JADE2: variants seen among roughly 807,000 people sequenced by gnomAD.
JADE2 encodes the protein E3 ubiquitin-protein ligase Jade-2.
JADE2 carries 13 observed loss-of-function variants against 85.7 expected under a neutral mutation model. The observed-to-expected ratio is 0.15, with a 90% CI of 0.10 to 0.24. The LOEUF is 0.24. Ranked by LOEUF, JADE2 falls within the 10% of genes least tolerant of loss-of-function variation. The probability of loss-of-function intolerance (pLI) is 1.00; values close to 1 mark genes in which losing one functional copy is unlikely to be tolerated. For missense variants in JADE2, 846 were observed against 1,115.9 expected (o/e 0.76, Z 3.45); for synonymous variants, 440 against 456.1 (o/e 0.96, Z 0.45).
At chr5:134,553,603 C>T (rs1203293832) in intron 4 of JADE2, among the ~76,000 whole-genome samples, 4 of 152,172 alleles carry the variant, frequency 2.6e-5, no homozygotes, top group Non-Finnish European at 1.5e-5. Flanking sequence ...CCGCCCTCCT[C>T]GGCCTCCCAA....
chr5:134,565,187 TAGTTTGGG>T (rs1285976928), intron 8 of JADE2, among the ~76,000 whole-genome samples: 1 of 152,208 alleles, frequency 6.6e-6, no homozygotes, highest in Non-Finnish European at 1.5e-5. Context: ...CTCAGGTCTA[TAGTTTGGG>T]AGTGCAGGGG....
chr5:134,564,679 A>C (rs1763530233), intron 8 of JADE2, 69 bp downstream of exon 8: 1 of 982,026 alleles, frequency 1.0e-6, no homozygotes. Context: ...CTCAGACAGC[A>C]GCTGCCACCA....
intron 9 of JADE2, among the ~76,000 whole-genome samples, chr5:134,570,965 C>T (rs1168566456): frequency 1.3e-5 from 2 of 152,256 alleles, no homozygotes; most frequent in Non-Finnish European, 2.9e-5. Context: ...TAGGCCTGCC[C>T]GTGTGCCACC....
At position 134,566,085 on chromosome 5, in the gene JADE2, A is replaced by C. The variant is rs775966958; in HGVS notation, c.970-31A>C. 2 of 1,581,960 alleles carry C rather than the reference A, an allele frequency of 1.3e-6. No individual in the cohort carries two copies. The highest frequency in any genetic ancestry group is 1.7e-6 in the Non-Finnish European group (2 of 1,157,410). ...TCTCCCCTCCCACCAGGCTCCCTCC[A>C]TGTCTGATCCTGCCCCTCCTTTCCC... On this transcript the variant is annotated intron_variant, in intron 8 of 11. Coordinates refer to ENST00000681547, the MANE Select transcript of JADE2 (RefSeq NM_001388185.1). The surrounding 1 kb of genome is among the most constrained non-coding windows in gnomAD (Gnocchi z 6.7).
chr5:134,538,177 G>T, intron 3 of JADE2, 94 bp downstream of exon 3: 3 of 997,024 alleles, frequency 3.0e-6, no homozygotes, highest in Non-Finnish European at 4.7e-6. Flanking sequence ...GAGGGCACGG[G>T]CAGTGCAGAG....
At chr5:134,536,378 C>A (rs575894115) in intron 2 of JADE2, among the ~76,000 whole-genome samples, 1 of 152,290 alleles carries the variant, frequency 6.6e-6, no homozygotes, top group South Asian at 2.1e-4. Context: ...CGATCTGGCA[C>A]ATAGTAGATG....
intron 3 of JADE2, among the ~76,000 whole-genome samples, chr5:134,543,016 C>T (rs1310653534): frequency 2.7e-5 from 4 of 150,432 alleles, no homozygotes; most frequent in East Asian, 4.0e-4. Context: ...CATGAGCCAC[C>T]GCACCTGGCC....
chr5:134,576,805 C>T lies in JADE2; in HGVS notation c.1590C>T (p.Asp530=). The part of the protein sequence containing the change: ...SGRRAKGKKS[D]SKRKGCEGSK... ...GGAGAGCAAAGGGCAAGAAGAGTGA[C>T]TCGAAGAGGAAGGGCTGCGAGGGCT... The change falls in exon 11 of 12, where the codon GAC becomes GAT. Residue 530 remains aspartate, a synonymous_variant. Coordinates refer to ENST00000681547, the MANE Select transcript of JADE2 (RefSeq NM_001388185.1). 6.4e-7 allele frequency: 1 copy of T among 1,550,492 alleles called. No homozygotes were observed. The highest frequency in any genetic ancestry group is 8.7e-7 in the Non-Finnish European group (1 of 1,146,956).
intron 5 of JADE2, 84 bp from the exon 6 acceptor site, chr5:134,560,662 T>C (rs1453965884): frequency 2.5e-6 from 3 of 1,219,166 alleles, no homozygotes; most frequent in Non-Finnish European, 3.5e-6. Context: ...CCTGAATTCC[T>C]GCAACTCCAG....
rs954106704 is a variant in JADE2 at position 134,566,823 on chromosome 5, G to C, written c.1434+243G>C. On this transcript the variant is annotated intron_variant, in intron 9 of 11. Transcript: ENST00000681547. The surrounding 1 kb of genome is among the most constrained non-coding windows in gnomAD (Gnocchi z 6.7). ...GTTCTTGAGTCTCCGAGTCCCTCTT[G>C]TCCTAGCCCTGTCACAGGCCTGGTG... Among the ~76,000 whole-genome samples, 2 of 152,178 alleles carry C rather than the reference G, an allele frequency of 1.3e-5. No homozygotes were observed. Among genetic ancestry groups the C allele is most frequent in the Admixed American group, 1.3e-4 (2 of 15,270 alleles).
intron 9 of JADE2, among the ~76,000 whole-genome samples, chr5:134,567,849 G>A (rs1763745123): frequency 6.6e-6 from 1 of 152,206 alleles, no homozygotes; most frequent in South Asian, 2.1e-4. Context: ...GGAAGAGGTG[G>A]AGGTGGGAGG....
chr5:134,551,965 T>A lies in JADE2; in HGVS notation c.154-87T>A, dbSNP rs747457105. 6.5e-6 allele frequency: 8 copies of A among 1,223,932 alleles called. No homozygotes were observed. In the East Asian group the frequency reaches 1.9e-4, roughly 28 times the overall value. 75.8% of individuals were successfully genotyped at this position (1,223,932 alleles called of 1,614,324 possible). On this transcript the variant is annotated intron_variant, in intron 3 of 11. Coordinates refer to ENST00000681547, the MANE Select transcript of JADE2 (RefSeq NM_001388185.1). Reference sequence around the variant, plus strand: ...GCGCAGGCAGAATGTCCACTTGAGTTGCATGTATCTGCCTCTTCCTCTGGC... The same window carrying A: ...GCGCAGGCAGAATGTCCACTTGAGTAGCATGTATCTGCCTCTTCCTCTGGC...
intron 7 of JADE2, chr5:134,564,036 T>C (rs1422409626): frequency 6.5e-6 from 1 of 152,808 alleles, no homozygotes; most frequent in Non-Finnish European, 1.5e-5. Flanking sequence ...ATGAGGCTTT[T>C]CTTGGTGCCT....
At chr5:134,535,130 G>A (rs547036260) in intron 1 of JADE2, among the ~76,000 whole-genome samples, 4 of 152,320 alleles carry the variant, frequency 2.6e-5, no homozygotes, top group East Asian at 3.9e-4. Context: ...AAGACTCCGC[G>A]TGAGCTCAGT....
intron 1 of JADE2, among the ~76,000 whole-genome samples, chr5:134,530,574 G>A (rs926021034): frequency 1.2e-4 from 19 of 152,202 alleles, no homozygotes; most frequent in Admixed American, 9.2e-4. Flanking sequence ...TGGAGGCCCA[G>A]GGTGTTTATT....
chr5:134,547,411 C>T (rs1367236243), intron 3 of JADE2, among the ~76,000 whole-genome samples: 1 of 152,224 alleles, frequency 6.6e-6, no homozygotes, highest in Non-Finnish European at 1.5e-5. Flanking sequence ...GACAATTTGT[C>T]AATTTCTGCC....
chr5:134,532,779 T>C (rs1183807702), intron 1 of JADE2, among the ~76,000 whole-genome samples: 1 of 151,994 alleles, frequency 6.6e-6, no homozygotes, highest in Non-Finnish European at 1.5e-5. Flanking sequence ...GCGAGGAGGG[T>C]GATCCATGGG....
At chr5:134,535,212 G>A (rs1368438644) in intron 1 of JADE2, among the ~76,000 whole-genome samples, 2 of 152,184 alleles carry the variant, frequency 1.3e-5, no homozygotes, top group Non-Finnish European at 2.9e-5. Flanking sequence ...GAGTTTATTT[G>A]TACGTTTATC....
At chr5:134,577,652 C>T (rs1489915685) in intron 11 of JADE2, among the ~76,000 whole-genome samples, 1 of 152,186 alleles carries the variant, frequency 6.6e-6, no homozygotes. Context: ...GATCATGCCA[C>T]TGCACTCCAG....
Sources: allele counts gnomAD v4.1 joint callset (sites outside exome capture counted in the v4.1 genomes callset), GRCh38; gene constraint gnomAD v4.1.1; non-coding constraint Gnocchi (gnomAD v3.1); transcripts MANE v1.5; gene names NCBI Gene and HGNC (gene_info 2026-07-23, HGNC 2026-07-21).